CWC27: variants seen among roughly 807,000 people sequenced by gnomAD.
The protein encoded by CWC27 is spliceosome-associated protein CWC27 homolog.
Under a neutral mutation model 63.6 loss-of-function variants are expected in CWC27, and 47 were observed. The observed-to-expected ratio is 0.74, with a 90% CI of 0.58 to 0.94. The LOEUF is 0.94. CWC27 is among the 40% of genes least tolerant of loss of function. The probability of loss-of-function intolerance (pLI) is 0.00; values close to 1 mark genes in which losing one functional copy is unlikely to be tolerated. For synonymous variants in CWC27, 175 were observed against 179.8 expected, an observed-to-expected ratio of 0.97 and a Z score of 0.22; for missense variants, 495 against 554.3, an observed-to-expected ratio of 0.89 and a Z score of 1.07.
chr5:64,850,146 G>A (rs942296714), intron 10 of CWC27, among the ~76,000 whole-genome samples: 1 of 149,892 alleles, frequency 6.7e-6, no homozygotes, highest in Non-Finnish European at 1.5e-5. Flanking sequence ...GAGCTAAGCT[G>A]GAGGTATCAT....
intron 12 of CWC27, among the ~76,000 whole-genome samples, chr5:64,973,634 A>G (rs1749167463): frequency 6.6e-6 from 1 of 152,186 alleles, no homozygotes; most frequent in African/African-American, 2.4e-5. Flanking sequence ...TTTTCTGCCC[A>G]GTGTCTTCTC....
intron 13 of CWC27, among the ~76,000 whole-genome samples, chr5:64,999,045 A>C (rs1749686494): frequency 6.6e-6 from 1 of 150,680 alleles, no homozygotes; most frequent in Non-Finnish European, 1.5e-5. Context: ...GAAGAGTTCC[A>C]GTGGCCTTAT....
chr5:65,005,583 G>T (rs550298161), intron 13 of CWC27, among the ~76,000 whole-genome samples: 1 of 152,256 alleles, frequency 6.6e-6, no homozygotes, highest in African/African-American at 2.4e-5. Context: ...CCTGTCCTCA[G>T]GCCCCCAGAC....
intron 10 of CWC27, among the ~76,000 whole-genome samples, chr5:64,811,612 CT>C (rs1295137146): frequency 6.6e-6 from 1 of 151,922 alleles, no homozygotes; most frequent in Non-Finnish European, 1.5e-5. Context: ...CAGGTTCTAA[CT>C]TTATCAGCCA....
intron 11 of CWC27, among the ~76,000 whole-genome samples, chr5:64,901,195 T>C (rs1037106735): frequency 6.6e-6 from 1 of 152,110 alleles, no homozygotes; most frequent in African/African-American, 2.4e-5. Context: ...AGGTAAGTAT[T>C]TGTGTATTTA....
At chr5:64,780,081 C>A (rs187832174) in intron 2 of CWC27, among the ~76,000 whole-genome samples, 1 of 152,226 alleles carries the variant, frequency 6.6e-6, no homozygotes, top group East Asian at 1.9e-4. Context: ...CCACCCACAG[C>A]CCCCAGCAAC....
chr5:64,920,054 C>A (rs1399525934), intron 11 of CWC27, among the ~76,000 whole-genome samples: 2 of 152,214 alleles, frequency 1.3e-5, no homozygotes, highest in Admixed American at 6.5e-5. Flanking sequence ...CCCTTTTCTT[C>A]TCTCAGGTTC....
At chr5:64,923,977 C>T (rs1748053457) in intron 11 of CWC27, among the ~76,000 whole-genome samples, 1 of 152,054 alleles carries the variant, frequency 6.6e-6, no homozygotes, top group East Asian at 1.9e-4. Flanking sequence ...CTCATCCCTA[C>T]CCTTATAGAC....
intron 10 of CWC27, 151 bp from the exon 11 acceptor site, chr5:64,885,292 T>G: frequency 2.1e-6 from 1 of 470,334 alleles, no homozygotes; most frequent in African/African-American, 2.0e-5. Flanking sequence ...TGTATTTCTA[T>G]AGCACAAGTA....
At chr5:64,907,785 C>A (rs6893464) in intron 11 of CWC27, among the ~76,000 whole-genome samples, 13 of 152,034 alleles carry the variant, frequency 8.6e-5, no homozygotes, top group South Asian at 8.3e-4. Flanking sequence ...ATTCAGTATA[C>A]TGGCTGTGGG....
intron 10 of CWC27, among the ~76,000 whole-genome samples, chr5:64,817,733 C>T (rs1745082946): frequency 6.6e-6 from 1 of 152,026 alleles, no homozygotes; most frequent in Non-Finnish European, 1.5e-5. Flanking sequence ...ATCTCTCCTC[C>T]CTCCTTACTC....
intron 10 of CWC27, among the ~76,000 whole-genome samples, chr5:64,880,484 C>T (rs915250017): frequency 2.0e-5 from 3 of 151,896 alleles, no homozygotes; most frequent in African/African-American, 7.2e-5. Context: ...AACTGATTTA[C>T]AGAACCTAGC....
chr5:64,835,214 A>AACATAATGTCTTTAGAG (rs1420388003), intron 10 of CWC27, among the ~76,000 whole-genome samples: 10 of 151,854 alleles, frequency 6.6e-5, no homozygotes, highest in Non-Finnish European at 1.5e-4. Context: ...ACTGTGCATT[A>AACATAATGTCTTTAGAG]ACATAATGTC....
intron 13 of CWC27, among the ~76,000 whole-genome samples, chr5:65,010,595 T>C (rs939190286): frequency 3.9e-5 from 6 of 152,314 alleles, no homozygotes; most frequent in African/African-American, 1.2e-4. Flanking sequence ...ACAAATTTTG[T>C]GTATGGCAAA....
chr5:64,856,729 G>C (rs1380100518), intron 10 of CWC27, among the ~76,000 whole-genome samples: 1 of 151,928 alleles, frequency 6.6e-6, no homozygotes, highest in East Asian at 1.9e-4. Context: ...TTAAGTTAAA[G>C]GTAAGCATTT....
chr5:64,784,893 AGT>A (rs2112168414), intron 4 of CWC27, among the ~76,000 whole-genome samples: 1 of 152,310 alleles, frequency 6.6e-6, no homozygotes, highest in African/African-American at 2.4e-5. Context: ...TAAAAATAAG[AGT>A]GTGTAATAAA....
intron 11 of CWC27, among the ~76,000 whole-genome samples, chr5:64,964,024 G>T (rs1021438537): frequency 6.6e-6 from 1 of 152,204 alleles, no homozygotes; most frequent in Non-Finnish European, 1.5e-5. Flanking sequence ...ATAAATGACT[G>T]TAATATGTCT....
chr5:64,804,483 T>C, intron 10 of CWC27, 97 bp downstream of exon 10: 1 of 1,216,264 alleles, frequency 8.2e-7, no homozygotes. Flanking sequence ...TTTAAAATAC[T>C]ATTTTCATAA....
intron 11 of CWC27, among the ~76,000 whole-genome samples, chr5:64,896,905 A>T (rs921054144): frequency 3.9e-5 from 6 of 152,148 alleles, no homozygotes; most frequent in Non-Finnish European, 8.8e-5. Flanking sequence ...TATGTGAGAA[A>T]CATCTTCAAA....
Sources: allele counts gnomAD v4.1 joint callset (sites outside exome capture counted in the v4.1 genomes callset), GRCh38; gene constraint gnomAD v4.1.1; transcripts MANE v1.5; gene names NCBI Gene and HGNC (gene_info 2026-07-23, HGNC 2026-07-21).